Variants in TMEM156 observed in about 807,000 individuals in gnomAD.
TMEM156 encodes the protein transmembrane protein 156.
TMEM156 carries 28 observed loss-of-function variants against 30.5 expected under a neutral mutation model. The observed-to-expected ratio is 0.92, with a 90% CI of 0.68 to 1.26. TMEM156 has a LOEUF of 1.26. TMEM156 is among the 50% of genes most tolerant of loss of function. The pLI, the probability that TMEM156 is intolerant of heterozygous loss-of-function variation, is 0.00. For synonymous variants in TMEM156, 137 were observed against 119.9 expected (o/e 1.14, Z -0.93); for missense variants, 351 against 340.6 (o/e 1.03, Z -0.24).
At chr4:38,989,072 T>C (rs933471508) in intron 3 of TMEM156, 102 bp from the exon 4 acceptor site, 7 of 1,195,882 alleles carry the variant, frequency 5.9e-6, no homozygotes, top group African/African-American at 4.6e-5. Context: ...CTGCCCTGAA[T>C]TGAAAAGCTG....
chr4:38,970,987 C>G (rs1722568798), intron 6 of TMEM156, 45 bp downstream of exon 6: 1 of 1,266,906 alleles, frequency 7.9e-7, no homozygotes, highest in Non-Finnish European at 1.1e-6. Flanking sequence ...TTGAATTTAT[C>G]TGTGTTTATA....
intron 1 of TMEM156, among the ~76,000 whole-genome samples, chr4:39,013,365 CAT>C (rs1432567141): frequency 7.0e-6 from 1 of 142,714 alleles, no homozygotes; most frequent in Non-Finnish European, 1.5e-5. Flanking sequence ...AGTAGTATGA[CAT>C]AATTGGTTTA....
At chr4:39,014,757 C>CAAAA (rs34040774) in intron 1 of TMEM156, among the ~76,000 whole-genome samples, 1 of 125,322 alleles carries the variant, frequency 8.0e-6, no homozygotes, top group Non-Finnish European at 1.7e-5. Flanking sequence ...GACTCCATCT[C>CAAAA]AAAAAAAAAA....
At chr4:39,010,573 T>A (rs1372343581) in intron 1 of TMEM156, among the ~76,000 whole-genome samples, 1 of 152,028 alleles carries the variant, frequency 6.6e-6, no homozygotes. Flanking sequence ...AATAGACACA[T>A]AGACTAATGC....
chr4:38,972,319 T>C (rs1454340362), intron 5 of TMEM156, among the ~76,000 whole-genome samples: 1 of 136,762 alleles, frequency 7.3e-6, no homozygotes, highest in Non-Finnish European at 1.5e-5. Context: ...AATGGTGCGA[T>C]CTCAGCTCAC....
intron 1 of TMEM156, among the ~76,000 whole-genome samples, chr4:39,024,802 G>A (rs1402199304): frequency 6.6e-6 from 1 of 152,176 alleles, no homozygotes; most frequent in East Asian, 1.9e-4. Context: ...ACCTGCACAT[G>A]TAGGCCTGAG....
rs554589396 is a variant in TMEM156 at position 39,001,280 on chromosome 4, A to G, written c.89-2371T>C. On this transcript the variant is annotated intron_variant, in intron 1 of 6. Coordinates refer to ENST00000381938, the MANE Select transcript of TMEM156 (RefSeq NM_024943.3). ...CGGGCACCTGTAGTCCCAGCTACTC[A>G]GGAGGCTGAGGCAGGAGAATGGCGT... 9.9e-5 allele frequency among the ~76,000 whole-genome samples: 15 copies of G among 150,756 alleles called. No individual in the cohort carries two copies. In the East Asian group the frequency reaches 2.9e-3, roughly 29 times the overall value.
chr4:39,005,153 C>T (rs1431326059), intron 1 of TMEM156, among the ~76,000 whole-genome samples: 1 of 152,206 alleles, frequency 6.6e-6, no homozygotes, highest in Non-Finnish European at 1.5e-5. Flanking sequence ...ACTCATATGA[C>T]ATTCAAGAAA....
At chr4:38,977,063 A>G (rs1416216094) in intron 5 of TMEM156, among the ~76,000 whole-genome samples, 1 of 152,066 alleles carries the variant, frequency 6.6e-6, no homozygotes, top group African/African-American at 2.4e-5. Flanking sequence ...GCACCACCAC[A>G]CCGGCTAATT....
At chr4:38,980,839 T>A in intron 5 of TMEM156, 3 of 790,780 alleles carry the variant, frequency 3.8e-6, no homozygotes, top group Non-Finnish European at 4.6e-6. Flanking sequence ...GCAGGGACAA[T>A]CTATATTAAG....
intron 5 of TMEM156, among the ~76,000 whole-genome samples, chr4:38,979,481 A>G (rs1179592964): frequency 5.3e-5 from 8 of 152,272 alleles, no homozygotes; most frequent in Non-Finnish European, 1.0e-4. Context: ...TTGGGAAAAT[A>G]GAAAGCACTA....
chr4:39,005,488 C>A (rs1003430978), intron 1 of TMEM156, among the ~76,000 whole-genome samples: 1 of 152,176 alleles, frequency 6.6e-6, no homozygotes, highest in East Asian at 1.9e-4. Context: ...GAGGCCTCCC[C>A]AGCCATGCAG....
chr4:39,032,158 G>T, intron 1 of TMEM156, 68 bp downstream of exon 1: 1 of 968,038 alleles, frequency 1.0e-6, no homozygotes, highest in Non-Finnish European at 1.6e-6. Context: ...GATCTTTTCT[G>T]TAACCACTAG....
chr4:38,987,945 C>G (rs1223846033), intron 4 of TMEM156, among the ~76,000 whole-genome samples: 2 of 152,092 alleles, frequency 1.3e-5, no homozygotes, highest in African/African-American at 4.8e-5. Context: ...GATAGTCATC[C>G]ATTTTATGCA....
chr4:38,984,591 A>G (rs1443240428), intron 5 of TMEM156, among the ~76,000 whole-genome samples: 2 of 151,882 alleles, frequency 1.3e-5, no homozygotes, highest in Non-Finnish European at 2.9e-5. Flanking sequence ...CCTATAATCC[A>G]TCACTACAAA....
At chr4:38,994,132 T>A in intron 2 of TMEM156, 134 bp from the exon 3 acceptor site, 1 of 798,910 alleles carries the variant, frequency 1.3e-6, no homozygotes, top group Non-Finnish European at 1.9e-6. Flanking sequence ...TAAAAATATA[T>A]ACATATTTTT....
chr4:38,998,655 C>A lies in TMEM156; in HGVS notation c.343G>T (p.Glu115Ter), dbSNP rs984189811. Residue 115 changes from glutamate to a stop codon, truncating the protein, a stop_gained, in exon 2 of 7, where the codon GAA becomes TAA. Coordinates refer to ENST00000381938, the MANE Select transcript of TMEM156 (RefSeq NM_024943.3). LOFTEE classifies it high-confidence loss of function. ...SKGNMDFISQ[E>*]QTSKVLIRRG... The stretch of plus-strand genomic sequence containing the variant: ...TTGTGTTTACCTTTTGATGTTTGTT[C>A]CTGAGAAATAAAATCCATGTTTCCT... The A allele has an allele frequency of 1.9e-6, 3 of 1,610,392 alleles. No individual in the cohort carries two copies. Among genetic ancestry groups the A allele is most frequent in the Non-Finnish European group, 2.5e-6 (3 of 1,178,054 alleles).
chr4:38,980,146 G>A (rs151174100), intron 5 of TMEM156, among the ~76,000 whole-genome samples: 41 of 144,536 alleles, frequency 2.8e-4, no homozygotes, highest in Middle Eastern at 3.6e-3. Context: ...AATAAAATGA[G>A]GATGGAAAAT....
At chr4:39,000,484 A>G (rs997321977) in intron 1 of TMEM156, among the ~76,000 whole-genome samples, 26 of 152,234 alleles carry the variant, frequency 1.7e-4, no homozygotes, top group African/African-American at 6.3e-4. Context: ...TAATTTTCTT[A>G]CTAGCAAAAT....
Sources: gnomAD v4.1 joint callset for allele counts (sites outside exome capture counted in the v4.1 genomes callset) on GRCh38, gnomAD v4.1.1 for gene constraint, MANE v1.5 for transcripts, NCBI Gene and HGNC (gene_info 2026-07-23, HGNC 2026-07-21) for gene names.